Variants in FOLH1 observed in about 807,000 individuals in gnomAD.
FOLH1 encodes the protein glutamate carboxypeptidase 2.
FOLH1 carries 54 observed loss-of-function variants against 93.9 expected under a neutral mutation model. The ratio of observed to expected loss-of-function variants is 0.57; its 90% CI spans 0.46 to 0.72. FOLH1 has a LOEUF of 0.72. Among genes scored for constraint, FOLH1 ranks in the 30% least tolerant of loss-of-function variants. The pLI is 0.00. For missense variants in FOLH1, 571 were observed against 892.5 expected (o/e 0.64, Z 4.59); for synonymous variants, 249 against 303.6 (o/e 0.82, Z 1.87).
rs187216472 is a variant in FOLH1 at position 49,150,397 on chromosome 11, T to C, written c.1971-1666A>G. Reference sequence around the variant, plus strand: ...AAAATAATAGTGATTTTTATTTACATTGGCATAATTAACTGATCAACCCAG... The same window carrying C: ...AAAATAATAGTGATTTTTATTTACACTGGCATAATTAACTGATCAACCCAG... On this transcript the variant is annotated intron_variant, in intron 17 of 18. Coordinates refer to ENST00000256999, the MANE Select transcript of FOLH1 (RefSeq NM_004476.3). Among the ~76,000 whole-genome samples, 794 of 152,290 alleles carry C rather than the reference T, an allele frequency of 5.2e-3. 5 individuals carry two copies. Among genetic ancestry groups the C allele is most frequent in the Non-Finnish European group, 8.8e-3 (601 of 68,008 alleles).
chr11:49,177,940 G>A (rs1399379984), intron 7 of FOLH1, among the ~76,000 whole-genome samples: 52 of 146,412 alleles, frequency 3.6e-4, no homozygotes, highest in Admixed American at 6.3e-4. Context: ...TCCAGCCTGG[G>A]CAAAAAGAGC....
intron 7 of FOLH1, among the ~76,000 whole-genome samples, chr11:49,177,111 C>T (rs767150813): frequency 8.1e-4 from 123 of 152,298 alleles, no homozygotes; most frequent in Middle Eastern, 6.8e-3. Context: ...GAATCTACTG[C>T]ACATGCAATA....
At position 49,204,336 on chromosome 11, in the gene FOLH1, T is replaced by C. The variant is rs142549724; in HGVS notation, c.224+1731A>G. Among the ~76,000 whole-genome samples, 566 of 152,334 alleles carry C rather than the reference T, an allele frequency of 3.7e-3. 4 individuals carry two copies. The highest frequency in any genetic ancestry group is 6.1e-3 in the Non-Finnish European group (415 of 68,022). On this transcript the variant is annotated intron_variant, in intron 2 of 18. Coordinates refer to ENST00000256999, the MANE Select transcript of FOLH1 (RefSeq NM_004476.3). The stretch of plus-strand genomic sequence containing the variant: ...CTGCTCTGAAACTTGCCTTGGTCTC[T>C]TTTTCTGCTTTTGCCCCCAGTTGAA...
rs564818187 is a variant in FOLH1, at chr11:49,145,977, T to C, written c.*779A>G. Among the ~76,000 whole-genome samples, 2 of 152,266 alleles carry C rather than the reference T, an allele frequency of 1.3e-5. No individual in the cohort carries two copies. The highest frequency in any genetic ancestry group is 3.9e-4 in the East Asian group (2 of 5,178). ...AAGTCCCTGAAAATTACACATGGTA[T>C]GATTGTCTTTACAAAAAGTTCAAAA... On this transcript the variant is annotated 3_prime_UTR_variant, in exon 19 of 19. Transcript: ENST00000256999.
chr11:49,164,485 A>G (rs1398080258), intron 13 of FOLH1, among the ~76,000 whole-genome samples: 2 of 152,218 alleles, frequency 1.3e-5, no homozygotes, highest in South Asian at 4.1e-4. Context: ...GATGGTAGAC[A>G]TGATGCTACT....
At chr11:49,203,889 A>C (rs1291946960) in intron 2 of FOLH1, among the ~76,000 whole-genome samples, 2 of 152,194 alleles carry the variant, frequency 1.3e-5, no homozygotes, top group African/African-American at 2.4e-5. Context: ...TGCCTCTCTA[A>C]AAATGATTTA....
Position 49,203,860 on chromosome 11 carries a change from A to T in FOLH1, c.224+2207T>A, listed in dbSNP as rs181547065. 2.0e-5 allele frequency among the ~76,000 whole-genome samples: 3 copies of T among 152,308 alleles called. No individual in the cohort carries two copies. In the East Asian group the frequency reaches 5.8e-4, roughly 29 times the overall value. ...CCTCTAGAATGTCAGGTGATGGTTC[A>T]GTTCAGCATTGATCGCATTGCCTCT... On this transcript the variant is annotated intron_variant, in intron 2 of 18. Coordinates refer to ENST00000256999, the MANE Select transcript of FOLH1 (RefSeq NM_004476.3).
intron 6 of FOLH1, among the ~76,000 whole-genome samples, chr11:49,185,109 T>C (rs1204954814): frequency 2.0e-5 from 3 of 152,196 alleles, no homozygotes; most frequent in African/African-American, 7.2e-5. Flanking sequence ...GCAATATGCA[T>C]TTCCTGGGCC....
intron 1 of FOLH1, 143 bp downstream of exon 1, chr11:49,208,149 C>T (rs1011655969): frequency 3.7e-5 from 24 of 645,414 alleles, no homozygotes; most frequent in Admixed American, 2.3e-4. Flanking sequence ...TCGAGGGGTG[C>T]TCACCCCACA....
rs573133383 is a variant in FOLH1 at position 49,176,582 on chromosome 11, T to C, written c.921-625A>G. On this transcript the variant is annotated intron_variant, in intron 7 of 18. Coordinates refer to ENST00000256999, the MANE Select transcript of FOLH1 (RefSeq NM_004476.3). ...AATGGTGGGGTTCTTGTAGTTTCAC[T>C]TCAACATATCTGCCTTTACTGTATT... 2.0e-5 allele frequency among the ~76,000 whole-genome samples: 3 copies of C among 152,254 alleles called. No individual in the cohort carries two copies. In the East Asian group the frequency reaches 5.8e-4, roughly 29 times the overall value.
intron 16 of FOLH1, 89 bp from the exon 17 acceptor site, chr11:49,154,016 A>C (rs1856741089): frequency 2.3e-6 from 3 of 1,328,214 alleles, no homozygotes; most frequent in Non-Finnish European, 3.1e-6. Context: ...ACAATATAGA[A>C]GCCATCATCT....
Position 49,186,746 on chromosome 11 carries a change from A to G in FOLH1, c.537T>C (p.Tyr179=), listed in dbSNP as rs75655145. ...MPEGDLVYVN[Y]ARTEDFFKLE... is the part of the protein sequence containing the mutation. ...ATTTAAAGAAGTCTTCAGTTCGTGC[A>G]TAGTTAACATACACTAGATCGCCCT... Residue 179 remains tyrosine, a synonymous_variant, in exon 5 of 19, where the codon TAT becomes TAC. Coordinates refer to ENST00000256999, the MANE Select transcript of FOLH1 (RefSeq NM_004476.3). The G allele has an allele frequency of 3.1e-3, 4,988 of 1,612,776 alleles. 11 individuals carry two copies. The highest frequency in any genetic ancestry group is 3.5e-3 in the Non-Finnish European group (4,091 of 1,179,466).
intron 12 of FOLH1, among the ~76,000 whole-genome samples, chr11:49,167,262 A>G (rs1417769829): frequency 1.3e-5 from 2 of 152,144 alleles, no homozygotes; most frequent in South Asian, 2.1e-4. Context: ...GAGATTTGCA[A>G]ATGTAACTTT....
intron 7 of FOLH1, among the ~76,000 whole-genome samples, chr11:49,179,108 AAAG>A (rs1390609445): frequency 1.3e-5 from 2 of 152,346 alleles, no homozygotes; most frequent in African/African-American, 4.8e-5. Flanking sequence ...ATTACTTTCT[AAAG>A]AAGGTTTCAC....
At chr11:49,206,005 C>T (rs1242848569) in intron 2 of FOLH1, 62 bp downstream of exon 2, 1 of 1,517,456 alleles carries the variant, frequency 6.6e-7, no homozygotes, top group African/African-American at 1.4e-5. Flanking sequence ...AATATTGGAC[C>T]AAAACAGAAT....
At chr11:49,177,863 T>C (rs1429650171) in intron 7 of FOLH1, among the ~76,000 whole-genome samples, 1 of 149,604 alleles carries the variant, frequency 6.7e-6, no homozygotes, top group Non-Finnish European at 1.5e-5. Flanking sequence ...TTTGGGAGGC[T>C]GAGGCAGGAG....
intron 4 of FOLH1, among the ~76,000 whole-genome samples, chr11:49,191,983 G>A (rs745958252): frequency 2.0e-5 from 3 of 152,148 alleles, no homozygotes; most frequent in Non-Finnish European, 2.9e-5. Flanking sequence ...TTTATACACA[G>A]TCTTTTCACT....
At chr11:49,183,005 C>A (rs1860954945) in intron 7 of FOLH1, 144 bp downstream of exon 7, 3 of 632,646 alleles carry the variant, frequency 4.7e-6, no homozygotes, top group African/African-American at 1.8e-5. Context: ...CAGAACCACT[C>A]TTCTATTTTA....
chr11:49,162,417 C>T (rs553192584), intron 13 of FOLH1, among the ~76,000 whole-genome samples: 4 of 152,260 alleles, frequency 2.6e-5, no homozygotes, highest in African/African-American at 7.2e-5. Flanking sequence ...GCTATCAATA[C>T]TTGTGACAGC....
Sources: allele counts gnomAD v4.1 joint callset (sites outside exome capture counted in the v4.1 genomes callset), GRCh38; gene constraint gnomAD v4.1.1; transcripts MANE v1.5; gene names NCBI Gene and HGNC (gene_info 2026-07-23, HGNC 2026-07-21).